OPCML: variants seen among roughly 807,000 people sequenced by gnomAD.
The protein encoded by OPCML is opioid binding protein/cell adhesion molecule like.
Under a neutral mutation model 37.8 loss-of-function variants are expected in OPCML, and 13 were observed. That is an observed-to-expected ratio of 0.34 (90% CI 0.22 to 0.55). OPCML has a LOEUF of 0.55. OPCML is among the 20% of genes least tolerant of loss of function. The pLI is 0.91. For missense variants in OPCML, 341 were observed against 435.6 expected (o/e 0.78, Z 1.93); for synonymous variants, 176 against 168.8 (o/e 1.04, Z -0.33).
chr11:132,524,050 C>A (rs2096301468), intron 4 of OPCML, among the ~76,000 whole-genome samples: 1 of 152,130 alleles, frequency 6.6e-6, no homozygotes, highest in African/African-American at 2.4e-5. Flanking sequence ...GGCAATGGAG[C>A]CAGGTGTGTG....
chr11:133,292,278 GA>G (rs1471418851), intron 1 of OPCML, among the ~76,000 whole-genome samples: 5 of 152,058 alleles, frequency 3.3e-5, no homozygotes, highest in Non-Finnish European at 1.5e-5. Context: ...CCAGCTCCTG[GA>G]AAAGCTCATT....
chr11:132,852,888 A>C (rs763445147), intron 2 of OPCML, among the ~76,000 whole-genome samples: 2 of 151,822 alleles, frequency 1.3e-5, no homozygotes, highest in Non-Finnish European at 1.5e-5. Flanking sequence ...TTATTGAAAA[A>C]ATTTTAAAAG....
At chr11:132,796,100 T>A (rs568590210) in intron 2 of OPCML, among the ~76,000 whole-genome samples, 6 of 152,316 alleles carry the variant, frequency 3.9e-5, no homozygotes, top group Admixed American at 3.9e-4. Flanking sequence ...TATAGGAGGA[T>A]GTGTGTAGGT....
intron 4 of OPCML, among the ~76,000 whole-genome samples, chr11:132,470,804 C>CA (rs923621206): frequency 3.3e-5 from 5 of 152,230 alleles, no homozygotes; most frequent in Admixed American, 1.3e-4. Context: ...TGCTCTTAAC[C>CA]ATTCTACTAA....
intron 2 of OPCML, among the ~76,000 whole-genome samples, chr11:132,827,725 C>T (rs964826769): frequency 1.5e-4 from 23 of 152,104 alleles, no homozygotes; most frequent in South Asian, 1.2e-3. Flanking sequence ...CTGCAACCTC[C>T]GCCTCCCGCA....
chr11:133,070,367 C>A (rs960240887), intron 1 of OPCML, among the ~76,000 whole-genome samples: 3 of 152,292 alleles, frequency 2.0e-5, no homozygotes, highest in Middle Eastern at 6.8e-3. Context: ...CCCGGAACCC[C>A]CTTGGCCCTT....
intron 1 of OPCML, among the ~76,000 whole-genome samples, chr11:133,489,938 C>T (rs1039371267): frequency 1.3e-5 from 2 of 151,964 alleles, no homozygotes; most frequent in Admixed American, 1.3e-4. Flanking sequence ...CACATGCACA[C>T]ACCATGGAAT....
intron 1 of OPCML, among the ~76,000 whole-genome samples, chr11:133,117,401 G>A (rs944691139): frequency 3.9e-5 from 6 of 152,072 alleles, no homozygotes; most frequent in African/African-American, 1.4e-4. Context: ...AGAGCTTTCG[G>A]GGCCTTCTTA....
intron 1 of OPCML, among the ~76,000 whole-genome samples, chr11:133,140,912 A>G (rs1341758416): frequency 2.6e-4 from 4 of 15,476 alleles, no homozygotes; most frequent in Admixed American, 1.7e-3. Flanking sequence ...GACGACGAAG[A>G]AGAAGAAGAC....
intron 1 of OPCML, among the ~76,000 whole-genome samples, chr11:133,429,250 G>A (rs1946067994): frequency 6.6e-6 from 1 of 152,184 alleles, no homozygotes; most frequent in Non-Finnish European, 1.5e-5. Context: ...ACTGAGGTGG[G>A]AACCAGTCTG....
chr11:132,534,953 C>G (rs1250820953), intron 3 of OPCML, among the ~76,000 whole-genome samples: 3 of 151,286 alleles, frequency 2.0e-5, no homozygotes, highest in African/African-American at 7.3e-5. Flanking sequence ...TCTTAGTTTC[C>G]AACTTTAAGT....
chr11:132,715,089 T>C (rs896431746), intron 2 of OPCML, among the ~76,000 whole-genome samples: 4 of 152,180 alleles, frequency 2.6e-5, no homozygotes, highest in African/African-American at 9.7e-5. Flanking sequence ...ACCCCAGTCC[T>C]CAGCAGGAAC....
intron 1 of OPCML, among the ~76,000 whole-genome samples, chr11:132,968,405 G>C (rs1946262319): frequency 6.6e-6 from 1 of 152,116 alleles, no homozygotes; most frequent in African/African-American, 2.4e-5. Context: ...GGTATGGCAG[G>C]GCATCCAATG....
At chr11:133,497,558 G>A (rs978189302) in intron 1 of OPCML, among the ~76,000 whole-genome samples, 4 of 150,968 alleles carry the variant, frequency 2.6e-5, no homozygotes, top group African/African-American at 7.4e-5. Context: ...ACAGGTGGAA[G>A]CTCCCACCAG....
At chr11:133,140,640 G>T (rs1050871473) in intron 1 of OPCML, among the ~76,000 whole-genome samples, 4 of 143,770 alleles carry the variant, frequency 2.8e-5, no homozygotes, top group Non-Finnish European at 6.0e-5. Context: ...GGAGGAAGAG[G>T]AGGAAGAGGA....
chr11:133,164,986 A>G (rs973567749), intron 1 of OPCML, among the ~76,000 whole-genome samples: 2 of 152,252 alleles, frequency 1.3e-5, no homozygotes, highest in Non-Finnish European at 2.9e-5. Flanking sequence ...GTTCTTAAAC[A>G]GCATTTTAAT....
At chr11:133,346,679 G>A (rs1248068623) in intron 1 of OPCML, among the ~76,000 whole-genome samples, 1 of 152,182 alleles carries the variant, frequency 6.6e-6, no homozygotes, top group Non-Finnish European at 1.5e-5. Flanking sequence ...AGACAAAATG[G>A]TGGCAGTGGA....
intron 1 of OPCML, among the ~76,000 whole-genome samples, chr11:133,288,835 G>A (rs1293228788): frequency 6.6e-6 from 1 of 152,144 alleles, no homozygotes; most frequent in Non-Finnish European, 1.5e-5. Flanking sequence ...CTAGACTGGG[G>A]TGTCGGCCAA....
chr11:133,137,630 A>G (rs147987755), intron 1 of OPCML, among the ~76,000 whole-genome samples: 216 of 152,298 alleles, frequency 1.4e-3, no homozygotes, highest in Non-Finnish European at 2.4e-3. Flanking sequence ...CTGCTCCTAT[A>G]AACCCACTTT....
Sources: gnomAD v4.1 joint callset for allele counts (sites outside exome capture counted in the v4.1 genomes callset) on GRCh38, gnomAD v4.1.1 for gene constraint, MANE v1.5 for transcripts, NCBI Gene and HGNC (gene_info 2026-07-23, HGNC 2026-07-21) for gene names.